NKAIN3: variants seen among roughly 807,000 people sequenced by gnomAD.
NKAIN3 encodes the protein sodium/potassium-transporting ATPase subunit beta-1-interacting protein 3.
A neutral mutation model predicts 30.2 loss-of-function variants in NKAIN3; 25 were observed. The observed-to-expected ratio is 0.83, with a 90% CI of 0.60 to 1.16. The LOEUF is 1.16. NKAIN3 is among the 50% of genes most tolerant of loss of function. NKAIN3 has a pLI of 0.00. For missense variants in NKAIN3, 225 were observed against 254.1 expected, an observed-to-expected ratio of 0.89 and a Z score of 0.78; for synonymous variants, 91 against 89.6, an observed-to-expected ratio of 1.02 and a Z score of -0.09.
At chr8:62,726,489 G>A (rs1815262728) in intron 3 of NKAIN3, among the ~76,000 whole-genome samples, 1 of 151,902 alleles carries the variant, frequency 6.6e-6, no homozygotes, top group African/African-American at 2.4e-5. Flanking sequence ...AATTTTTAGA[G>A]GATTCTTATC....
At position 62,322,155 on chromosome 8, in the gene NKAIN3, C is replaced by T. The variant is rs1367783996; in HGVS notation, c.54+73028C>T. Among the ~76,000 whole-genome samples, 3 of 152,172 alleles carry T rather than the reference C, an allele frequency of 2.0e-5. No individual in the cohort carries two copies. In the East Asian group the frequency reaches 5.8e-4, roughly 29 times the overall value. ...GCATAGGTTATCATCTCCTGGTATG[C>T]TGTTTGCTAAGACCATTGGAAAAGT... On this transcript the variant is annotated intron_variant, in intron 1 of 6. Transcript: ENST00000623646.
chr8:62,547,295 T>C (rs1271183284), intron 1 of NKAIN3, among the ~76,000 whole-genome samples: 4 of 152,198 alleles, frequency 2.6e-5, no homozygotes, highest in Non-Finnish European at 5.9e-5. Flanking sequence ...CCTTCTCAGT[T>C]ACTAACATAG....
intron 3 of NKAIN3, among the ~76,000 whole-genome samples, chr8:62,673,146 G>A (rs185506673): frequency 1.5e-4 from 23 of 152,294 alleles, no homozygotes; most frequent in East Asian, 9.7e-4. Flanking sequence ...TGATTCCAGC[G>A]TCAGAGGTCT....
At chr8:62,520,262 C>T (rs28547361) in intron 1 of NKAIN3, among the ~76,000 whole-genome samples, 9,718 of 152,058 alleles carry the variant, frequency 0.064, 949 homozygotes, top group African/African-American at 0.22. Flanking sequence ...CCTTTTAATA[C>T]TGTGTCAGAT....
chr8:62,864,818 A>G (rs1392420197), intron 4 of NKAIN3, among the ~76,000 whole-genome samples: 2 of 152,168 alleles, frequency 1.3e-5, no homozygotes, highest in East Asian at 3.9e-4. Flanking sequence ...GACCTGGGAA[A>G]TGCTTGTTGG....
At chr8:62,558,536 A>G (rs536642325) in intron 1 of NKAIN3, among the ~76,000 whole-genome samples, 9 of 152,112 alleles carry the variant, frequency 5.9e-5, no homozygotes, top group Non-Finnish European at 1.2e-4. Flanking sequence ...CTACCCATCC[A>G]TGGGCAAAAA....
chr8:62,796,782 T>TCA (rs1384802783), intron 4 of NKAIN3, among the ~76,000 whole-genome samples: 6 of 30,336 alleles, frequency 2.0e-4, no homozygotes, highest in Non-Finnish European at 5.2e-4. Context: ...AGTTTTTGTA[T>TCA]CACACATACA....
At chr8:62,349,026 T>C (rs1816100146) in intron 1 of NKAIN3, among the ~76,000 whole-genome samples, 1 of 152,146 alleles carries the variant, frequency 6.6e-6, no homozygotes, top group African/African-American at 2.4e-5. Flanking sequence ...AGCAGGTCAT[T>C]ACACAAACAT....
intron 4 of NKAIN3, among the ~76,000 whole-genome samples, chr8:62,801,547 C>T (rs921344532): frequency 1.3e-5 from 2 of 152,302 alleles, no homozygotes; most frequent in Non-Finnish European, 2.9e-5. Flanking sequence ...AACAGACCTG[C>T]AGCTGAGGGT....
At chr8:62,292,022 G>A (rs574826675) in intron 1 of NKAIN3, among the ~76,000 whole-genome samples, 1 of 151,974 alleles carries the variant, frequency 6.6e-6, no homozygotes, top group East Asian at 1.9e-4. Flanking sequence ...ATCTTTGTTG[G>A]TTTAAAGTCT....
Position 62,534,982 on chromosome 8 carries a change from A to T in NKAIN3, c.55-44557A>T, listed in dbSNP as rs556079217. On this transcript the variant is annotated intron_variant, in intron 1 of 6. Coordinates refer to ENST00000623646, the MANE Select transcript of NKAIN3 (RefSeq NM_001304533.3). ...AGACAAATAACTCTATCCATTGCAG[A>T]TGTATAATTGGAATTCAAATTGATT... 1.3e-4 allele frequency among the ~76,000 whole-genome samples: 20 copies of T among 151,940 alleles called. No individual in the cohort carries two copies. In the South Asian group the frequency reaches 4.1e-3, roughly 31 times the overall value.
chr8:62,491,889 A>T (rs1253279890), intron 1 of NKAIN3, among the ~76,000 whole-genome samples: 1 of 152,068 alleles, frequency 6.6e-6, no homozygotes, highest in Non-Finnish European at 1.5e-5. Flanking sequence ...CCATAAAGAC[A>T]CCAAAAGAAG....
rs185342241 is a variant in NKAIN3 at position 62,935,042 on chromosome 8, G to A, written c.532+16529G>A. Among the ~76,000 whole-genome samples the A allele has an allele frequency of 2.7e-3, 407 of 152,198 alleles. 1 individual carries two copies. Among genetic ancestry groups the A allele is most frequent in the Non-Finnish European group, 4.5e-3 (307 of 68,022 alleles). The stretch of plus-strand genomic sequence containing the variant: ...TTCTTTCCTAAGAGACCTTTATGCA[G>A]ACAAGCTTCCTTTCCAGAATAAAAA... On this transcript the variant is annotated intron_variant, in intron 5 of 6. Coordinates refer to ENST00000623646, the MANE Select transcript of NKAIN3 (RefSeq NM_001304533.3).
At chr8:62,387,832 A>C (rs915224634) in intron 1 of NKAIN3, among the ~76,000 whole-genome samples, 1 of 152,228 alleles carries the variant, frequency 6.6e-6, no homozygotes, top group African/African-American at 2.4e-5. Flanking sequence ...ATATAATTTC[A>C]AACATAATTT....
intron 5 of NKAIN3, among the ~76,000 whole-genome samples, chr8:62,995,304 T>A (rs753489635): frequency 2.0e-5 from 3 of 152,226 alleles, no homozygotes; most frequent in Non-Finnish European, 2.9e-5. Context: ...ATATTTCAAA[T>A]GTCTGTCCTC....
chr8:62,315,472 T>G (rs1814588641), intron 1 of NKAIN3, among the ~76,000 whole-genome samples: 1 of 152,204 alleles, frequency 6.6e-6, no homozygotes, highest in South Asian at 2.1e-4. Flanking sequence ...AGAAGTTGAT[T>G]TTGCAAGATA....
At chr8:62,331,079 G>T (rs113380646) in intron 1 of NKAIN3, among the ~76,000 whole-genome samples, 1 of 124,836 alleles carries the variant, frequency 8.0e-6, no homozygotes, top group Admixed American at 8.1e-5. Context: ...CTCTCTCTCT[G>T]TCTCTCTCTC....
chr8:62,803,195 G>A (rs1818135065), intron 4 of NKAIN3, among the ~76,000 whole-genome samples: 1 of 152,028 alleles, frequency 6.6e-6, no homozygotes. Flanking sequence ...GTCAACATTA[G>A]ACAGATCAAT....
chr8:62,853,934 T>C (rs1819987058), intron 4 of NKAIN3, among the ~76,000 whole-genome samples: 1 of 152,210 alleles, frequency 6.6e-6, no homozygotes, highest in Non-Finnish European at 1.5e-5. Context: ...ACTTCTTGAT[T>C]TCTGCAATGA....
Sources: gnomAD v4.1 joint callset for allele counts (sites outside exome capture counted in the v4.1 genomes callset) on GRCh38, gnomAD v4.1.1 for gene constraint, MANE v1.5 for transcripts, NCBI Gene and HGNC (gene_info 2026-07-23, HGNC 2026-07-21) for gene names.